The following RBFOX1 variants were observed in gnomAD, a reference collection of about 807,000 sequenced individuals.
RBFOX1 encodes RNA binding fox-1 homolog 1.
RBFOX1 carries 8 observed loss-of-function variants against 57.7 expected under a neutral mutation model. The ratio of observed to expected loss-of-function variants is 0.14; its 90% CI spans 0.08 to 0.25. The LOEUF is 0.25. RBFOX1 is among the 10% of genes least tolerant of loss of function. The pLI is 1.00. For missense variants in RBFOX1, 611 were observed against 548.5 expected (o/e 1.11, Z -1.14); for synonymous variants, 326 against 222.4 (o/e 1.47, Z -4.15).
At chr16:6,952,950 G>T (rs961311947) in intron 3 of RBFOX1, among the ~76,000 whole-genome samples, 1 of 152,086 alleles carries the variant, frequency 6.6e-6, no homozygotes, top group Non-Finnish European at 1.5e-5. Context: ...TCCAGCCTGG[G>T]GGACAGAGCA....
At chr16:5,480,347 C>G (rs752447496) in intron 2 of RBFOX1, among the ~76,000 whole-genome samples, 1 of 151,700 alleles carries the variant, frequency 6.6e-6, no homozygotes. Flanking sequence ...CCATAAACAC[C>G]TCGCCCATCT....
At chr16:6,996,161 A>G (rs1052866361) in intron 3 of RBFOX1, among the ~76,000 whole-genome samples, 28 of 152,242 alleles carry the variant, frequency 1.8e-4, no homozygotes, top group Non-Finnish European at 1.5e-5. Flanking sequence ...GTCATCTGAA[A>G]TAACATGGCA....
In RBFOX1 at chr16:6,714,703, A is replaced by G. The variant is rs562898630; in HGVS notation, c.-16+60053A>G. ...TGTAGGTAAATTGGTGGGGCCCTGG[A>G]GTGCCTCACGTGGTGGCTTCAAGGT... is the stretch of plus-strand genomic sequence containing the variant. On this transcript the variant is annotated intron_variant, in intron 3 of 15. Coordinates refer to ENST00000550418, the MANE Select transcript of RBFOX1 (RefSeq NM_018723.4). Among the ~76,000 whole-genome samples the G allele has an allele frequency of 3.3e-5, 5 of 152,220 alleles. No homozygotes were observed. In the East Asian group the frequency reaches 9.7e-4, roughly 29 times the overall value.
chr16:5,274,055 C>G lies in RBFOX1; in HGVS notation c.219+33950C>G, dbSNP rs75673553. The stretch of plus-strand genomic sequence containing the variant: ...TGTGGGGAAGGAGAATGCTAACAGA[C>G]AAGACTGCAGGTTTTCGCTCTTAAA... On this transcript the variant is annotated intron_variant, in intron 1 of 2. Transcript: ENST00000585867. Among the ~76,000 whole-genome samples, 1,583 of 152,320 alleles carry G rather than the reference C, an allele frequency of 0.01. 71 individuals are homozygous for G. In the East Asian group the frequency reaches 0.16, roughly 15 times the overall value.
intron 2 of RBFOX1, among the ~76,000 whole-genome samples, chr16:6,338,450 C>T (rs1036984784): frequency 1.3e-5 from 2 of 152,286 alleles, no homozygotes; most frequent in East Asian, 1.9e-4. Context: ...AGATGGAAAT[C>T]TGAATTTTTA....
chr16:6,841,540 T>C (rs771165358), intron 3 of RBFOX1, among the ~76,000 whole-genome samples: 1 of 152,194 alleles, frequency 6.6e-6, no homozygotes, highest in Non-Finnish European at 1.5e-5. Context: ...CTCACGCTAA[T>C]GAGGCGAGTA....
At chr16:6,953,276 C>A (rs563424019) in intron 3 of RBFOX1, among the ~76,000 whole-genome samples, 3 of 152,112 alleles carry the variant, frequency 2.0e-5, no homozygotes, top group African/African-American at 7.2e-5. Context: ...AACATATACA[C>A]CGAAATAAGG....
intron 3 of RBFOX1, among the ~76,000 whole-genome samples, chr16:6,787,915 C>T (rs1369524505): frequency 1.3e-5 from 2 of 152,164 alleles, no homozygotes; most frequent in Non-Finnish European, 2.9e-5. Context: ...TCTGTCATTA[C>T]TAAACAGCTG....
chr16:6,948,079 C>T lies in RBFOX1; in HGVS notation c.-15-103978C>T, dbSNP rs1182085657. ...CAAGCATCAGCCACCATGGCCTGGC[C>T]TACATATTCTCATTTTCTTCTGCGG... On this transcript the variant is annotated intron_variant, in intron 3 of 15. Transcript: ENST00000550418. 2.0e-5 allele frequency among the ~76,000 whole-genome samples: 3 copies of T among 152,056 alleles called. No individual in the cohort carries two copies. In the East Asian group the frequency reaches 5.8e-4, roughly 29 times the overall value.
At chr16:7,040,671 G>T (rs575472492) in intron 3 of RBFOX1, among the ~76,000 whole-genome samples, 13 of 152,180 alleles carry the variant, frequency 8.5e-5, no homozygotes, top group African/African-American at 3.1e-4. Flanking sequence ...ATATTTTTCT[G>T]TGTGTGTACC....
chr16:5,668,758 G>A (rs1171743806), intron 3 of RBFOX1, among the ~76,000 whole-genome samples: 1 of 152,142 alleles, frequency 6.6e-6, no homozygotes, highest in African/African-American at 2.4e-5. Context: ...TGTTTTAGGT[G>A]CCTGGTCTAA....
At chr16:6,351,171 T>C (rs1005600068) in intron 2 of RBFOX1, among the ~76,000 whole-genome samples, 4 of 152,006 alleles carry the variant, frequency 2.6e-5, no homozygotes, top group Admixed American at 1.3e-4. Flanking sequence ...CAGGGAAAGA[T>C]ACATAATCTT....
intron 4 of RBFOX1, among the ~76,000 whole-genome samples, chr16:7,379,689 C>G (rs2097753977): frequency 6.6e-6 from 1 of 152,038 alleles, no homozygotes; most frequent in Non-Finnish European, 1.5e-5. Context: ...GAAATTATTT[C>G]TTAAGCTGGG....
At chr16:7,083,537 C>T (rs1171853212) in intron 4 of RBFOX1, among the ~76,000 whole-genome samples, 4 of 152,086 alleles carry the variant, frequency 2.6e-5, no homozygotes, top group East Asian at 1.9e-4. Context: ...CACCCCTCAC[C>T]GTGGATCAAA....
At chr16:6,431,770 C>G (rs1033163941) in intron 2 of RBFOX1, among the ~76,000 whole-genome samples, 16 of 152,152 alleles carry the variant, frequency 1.1e-4, no homozygotes, top group African/African-American at 3.6e-4. Flanking sequence ...TGACTTGGAG[C>G]AAATCATTCT....
In RBFOX1 at chr16:6,564,637, T is replaced by C. The variant is rs2097232470; in HGVS notation, c.-63-89966T>C. On this transcript the variant is annotated intron_variant, in intron 2 of 15. Transcript: ENST00000550418. The stretch of plus-strand genomic sequence containing the variant: ...GAGAGTAGAAAGGTGGTTGGCAAGG[T>C]TTGGGGGTGGGGGAAATGGAGAGCT... Among the ~76,000 whole-genome samples the C allele has an allele frequency of 2.0e-5, 3 of 151,808 alleles. No homozygotes were observed. The South Asian group carries it at 6.2e-4, about 32-fold the overall frequency.
chr16:7,657,287 A>ACATTCATCCATTTCCTTT (rs916397097), intron 12 of RBFOX1, among the ~76,000 whole-genome samples: 2 of 152,142 alleles, frequency 1.3e-5, no homozygotes, highest in African/African-American at 4.8e-5. Flanking sequence ...AGGATGCCCT[A>ACATTCATCCATTTCCTTT]CATTCATCCA....
chr16:5,574,004 A>AT (rs1299536714), intron 2 of RBFOX1, among the ~76,000 whole-genome samples: 2 of 152,176 alleles, frequency 1.3e-5, no homozygotes, highest in Non-Finnish European at 2.9e-5. Flanking sequence ...TTCCGAAACC[A>AT]TATCTTGTTT....
intron 4 of RBFOX1, among the ~76,000 whole-genome samples, chr16:7,179,733 A>AT (rs143277998): frequency 6.0e-5 from 9 of 150,830 alleles, no homozygotes; most frequent in South Asian, 2.1e-4. Flanking sequence ...ATCTTCCCAG[A>AT]TTTTTTTTTC....
Sources: allele counts gnomAD v4.1 joint callset (sites outside exome capture counted in the v4.1 genomes callset), GRCh38; gene constraint gnomAD v4.1.1; transcripts MANE v1.5; gene names NCBI Gene and HGNC (gene_info 2026-07-23, HGNC 2026-07-21).